The following MID1 variants were observed in gnomAD, a reference collection of about 807,000 sequenced individuals.
The protein encoded by MID1 is midline 1.
A neutral mutation model predicts 40.4 loss-of-function variants in MID1; 7 were observed. The observed-to-expected ratio is 0.17, with a 90% CI of 0.10 to 0.33. The LOEUF is 0.33. Among genes scored for constraint, MID1 ranks in the 10% least tolerant of loss-of-function variants. MID1 has a pLI of 1.00. For missense variants in MID1, 367 were observed against 558.5 expected (o/e 0.66, Z 3.46); for synonymous variants, 229 against 221.2 (o/e 1.04, Z -0.31).
At chrX:10,765,995 G>C (rs1287931644) in intron 1 of MID1, among the ~76,000 whole-genome samples, 2 of 102,660 alleles carry the variant, frequency 1.9e-5, no homozygotes, top group African/African-American at 7.0e-5. Context: ...AAGAAAGAAA[G>C]AAAGAAAGAA....
chrX:10,658,757 T>G (rs953174218), intron 1 of MID1, among the ~76,000 whole-genome samples: 3 of 111,205 alleles, frequency 2.7e-5, no homozygotes, highest in African/African-American at 9.8e-5. Flanking sequence ...GTTGCTTAAG[T>G]TTCTCCAGTG....
chrX:10,506,304 C>A, intron 3 of MID1: 3 of 1,050,688 alleles, frequency 2.9e-6, no homozygotes, highest in Non-Finnish European at 3.7e-6. Flanking sequence ...GTTGTATCCT[C>A]CCCAAGAAGG....
chrX:10,545,150 C>T (rs7063815), intron 2 of MID1, among the ~76,000 whole-genome samples: 11,235 of 110,308 alleles, frequency 0.1, 984 homozygotes, highest in African/African-American at 0.28. Context: ...TTAGTAGAGA[C>T]GAGGTTTCCC....
chrX:10,459,351 T>C (rs946268821), intron 8 of MID1, among the ~76,000 whole-genome samples: 4 of 112,098 alleles, frequency 3.6e-5, no homozygotes, highest in African/African-American at 1.3e-4. Flanking sequence ...ATATACATCA[T>C]CTACTTCTCA....
chrX:10,767,026 G>A (rs773957509), intron 1 of MID1, among the ~76,000 whole-genome samples: 1 of 111,449 alleles, frequency 9.0e-6, no homozygotes, highest in Non-Finnish European at 1.9e-5. Flanking sequence ...ACCTGGGTGA[G>A]AGCAGCCTCT....
At chrX:10,701,086 G>C (rs2043191080) in intron 1 of MID1, among the ~76,000 whole-genome samples, 1 of 111,272 alleles carries the variant, frequency 9.0e-6, no homozygotes, top group Non-Finnish European at 1.9e-5. Context: ...AACCTCACAG[G>C]CAAGAGGAAA....
At chrX:10,526,566 T>C (rs775951818) in intron 2 of MID1, among the ~76,000 whole-genome samples, 80 of 111,987 alleles carry the variant, frequency 7.1e-4, no homozygotes, top group African/African-American at 1.4e-3. Context: ...TACAGTTCAA[T>C]TGTCATAAGT....
intron 7 of MID1, among the ~76,000 whole-genome samples, chrX:10,465,187 T>TTATATATATATATATATA (rs1170214071): frequency 8.3e-5 from 4 of 48,066 alleles, no homozygotes; most frequent in Non-Finnish European, 7.5e-5. Context: ...GTCTGAAATT[T>TTATATATATATATATATA]TATATATATA....
At chrX:10,540,017 A>G (rs1017723399) in intron 2 of MID1, among the ~76,000 whole-genome samples, 1 of 112,424 alleles carries the variant, frequency 8.9e-6, no homozygotes, top group African/African-American at 3.2e-5. Context: ...CCTGGCCAAC[A>G]TGGTGAAACC....
At chrX:10,757,647 G>T (rs1416967264) in intron 1 of MID1, among the ~76,000 whole-genome samples, 1 of 111,745 alleles carries the variant, frequency 8.9e-6, no homozygotes, top group Non-Finnish European at 1.9e-5. Flanking sequence ...TTTCATTATT[G>T]AAACTTTACA....
intron 1 of MID1, among the ~76,000 whole-genome samples, chrX:10,589,102 C>T (rs1337918279): frequency 8.9e-6 from 1 of 112,024 alleles, no homozygotes; most frequent in African/African-American, 3.3e-5. Flanking sequence ...GGCACACACA[C>T]ACTTTTGCAG....
At chrX:10,718,730 C>G (rs1457648414) in intron 1 of MID1, among the ~76,000 whole-genome samples, 1 of 111,566 alleles carries the variant, frequency 9.0e-6, no homozygotes, top group Non-Finnish European at 1.9e-5. Context: ...CAAAGCATGG[C>G]AGAGACACAA....
chrX:10,787,001 T>C (rs986597072), intron 1 of MID1, among the ~76,000 whole-genome samples: 11 of 110,542 alleles, frequency 1.0e-4, no homozygotes, highest in Non-Finnish European at 2.1e-4. Flanking sequence ...AATACAAGTG[T>C]AATTCAACAA....
At chrX:10,602,164 G>A (rs1047681468) in intron 1 of MID1, among the ~76,000 whole-genome samples, 1 of 107,871 alleles carries the variant, frequency 9.3e-6, no homozygotes, top group Non-Finnish European at 1.9e-5. Flanking sequence ...CCCAAAGTGC[G>A]GAATTGGAGT....
chrX:10,789,221 G>A (rs2043911094), intron 1 of MID1, among the ~76,000 whole-genome samples: 1 of 107,262 alleles, frequency 9.3e-6, no homozygotes, highest in South Asian at 4.5e-4. Flanking sequence ...TAAAGTCTAT[G>A]CTGGCTAAAC....
chrX:10,590,579 G>C (rs903165144), intron 1 of MID1, among the ~76,000 whole-genome samples: 1 of 111,547 alleles, frequency 9.0e-6, no homozygotes, highest in Non-Finnish European at 1.9e-5. Flanking sequence ...TGTTTATTTG[G>C]AGACTTGAGA....
chrX:10,829,708 A>G (rs1259863369), intron 1 of MID1, among the ~76,000 whole-genome samples: 14 of 111,466 alleles, frequency 1.3e-4, no homozygotes. Context: ...ACCTTTCCTC[A>G]AATATAAATA....
chrX:10,643,839 G>A (rs1210828309), intron 1 of MID1, among the ~76,000 whole-genome samples: 1 of 111,768 alleles, frequency 8.9e-6, no homozygotes, highest in Non-Finnish European at 1.9e-5. Flanking sequence ...AAAATGATGA[G>A]TTCATGTCCT....
intron 2 of MID1, among the ~76,000 whole-genome samples, chrX:10,545,329 C>A (rs1426233892): frequency 8.9e-6 from 1 of 111,878 alleles, no homozygotes; most frequent in East Asian, 2.8e-4. Flanking sequence ...AGAAAAAATA[C>A]CTGGATAGAA....
Sources: gnomAD v4.1 joint callset for allele counts (sites outside exome capture counted in the v4.1 genomes callset) on GRCh38, gnomAD v4.1.1 for gene constraint, MANE v1.5 for transcripts, NCBI Gene and HGNC (gene_info 2026-07-23, HGNC 2026-07-21) for gene names.